The following RBFOX1 variants were observed in gnomAD, a reference collection of about 807,000 sequenced individuals.
RBFOX1 encodes RNA binding fox-1 homolog 1, also known as RNA binding protein fox-1 homolog 1.
In RBFOX1, 8 loss-of-function variants were observed where a neutral mutation model predicts 57.7. The observed-to-expected ratio is 0.14, with a 90% CI of 0.08 to 0.25. RBFOX1 has a LOEUF of 0.25. Ranked by LOEUF, RBFOX1 falls within the 10% of genes least tolerant of loss-of-function variation. The pLI, the probability that RBFOX1 is intolerant of heterozygous loss-of-function variation, is 1.00. For synonymous variants in RBFOX1, 326 were observed against 222.4 expected (o/e 1.47, Z -4.15); for missense variants, 611 against 548.5 (o/e 1.11, Z -1.14).
intron 4 of RBFOX1, among the ~76,000 whole-genome samples, chr16:5,992,089 C>T (rs1176706842): frequency 6.6e-6 from 1 of 151,888 alleles, no homozygotes; most frequent in Non-Finnish European, 1.5e-5. Flanking sequence ...TGTAAAAATC[C>T]TTCACCAAAC....
intron 2 of RBFOX1, among the ~76,000 whole-genome samples, chr16:6,434,424 G>A (rs771323900): frequency 6.6e-5 from 10 of 151,886 alleles, no homozygotes; most frequent in Non-Finnish European, 1.3e-4. Flanking sequence ...CTGCAAATAG[G>A]CCCATCCCAC....
intron 5 of RBFOX1, among the ~76,000 whole-genome samples, chr16:7,524,705 C>T (rs1018203605): frequency 6.6e-6 from 1 of 152,206 alleles, no homozygotes; most frequent in Non-Finnish European, 1.5e-5. Flanking sequence ...TTTAGAGAGC[C>T]AGGTTCTTCT....
chr16:6,736,700 G>A (rs193125905), intron 3 of RBFOX1, among the ~76,000 whole-genome samples: 2 of 152,324 alleles, frequency 1.3e-5, no homozygotes, highest in African/African-American at 2.4e-5. Flanking sequence ...GGATCAAATG[G>A]TAGTTCTACT....
chr16:5,861,006 A>C (rs969648017), intron 3 of RBFOX1, among the ~76,000 whole-genome samples: 5 of 152,222 alleles, frequency 3.3e-5, no homozygotes, highest in Non-Finnish European at 7.3e-5. Context: ...AGGGATACCA[A>C]AGAGAAACTG....
intron 1 of RBFOX1, among the ~76,000 whole-genome samples, chr16:5,455,375 A>G (rs984195198): frequency 2.0e-5 from 3 of 152,064 alleles, no homozygotes; most frequent in Admixed American, 6.6e-5. Flanking sequence ...GCCGCCTAGT[A>G]TCACTTATGC....
intron 3 of RBFOX1, among the ~76,000 whole-genome samples, chr16:6,819,705 CAAAAAAAAAAAAAA>C (rs1181614275): frequency 4.8e-5 from 1 of 20,626 alleles, no homozygotes; most frequent in South Asian, 3.2e-3. Context: ...AACTCTGACT[CAAAAAAAAAAAAAA>C]AAAAAAAAAA....
chr16:7,280,172 C>T (rs909229559), intron 4 of RBFOX1, among the ~76,000 whole-genome samples: 13 of 152,198 alleles, frequency 8.5e-5, no homozygotes, highest in Admixed American at 2.6e-4. Context: ...AAGGAAAACA[C>T]GATGTACACC....
Position 6,019,058 on chromosome 16 carries a change from C to A in RBFOX1, c.-1061C>A. 1.0e-6 allele frequency: 1 copy of A among 976,364 alleles called. No individual in the cohort carries two copies. The highest frequency in any genetic ancestry group is 1.2e-6 in the Non-Finnish European group (1 of 822,352). The allele number at this position is 976,364 out of a possible 1,614,324, so 60.5% of individuals were successfully genotyped here. A position where few individuals can be genotyped will look rare whatever the true frequency, so the allele number is the denominator to read the frequency against. On this transcript the variant is annotated 5_prime_UTR_variant, in exon 1 of 16. In the 5' UTR this introduces an upstream ATG that the reference lacks. Coordinates refer to ENST00000550418, the MANE Select transcript of RBFOX1 (RefSeq NM_018723.4). The surrounding 1 kb of genome is among the most constrained non-coding windows in gnomAD (Gnocchi z 4.2). Reference sequence around the variant, plus strand: ...TTGGCTCCGCAGCCGGGGCTGCTCGCTGCTTGTCGCGCGCTCACACACACA... The same window carrying A: ...TTGGCTCCGCAGCCGGGGCTGCTCGATGCTTGTCGCGCGCTCACACACACA...
chr16:5,248,624 G>T (rs1050020826), intron 1 of RBFOX1, among the ~76,000 whole-genome samples: 3 of 152,166 alleles, frequency 2.0e-5, no homozygotes, highest in Non-Finnish European at 4.4e-5. Flanking sequence ...GTCTGAGAGT[G>T]CAGCTCTGAA....
At chr16:7,120,239 G>A (rs562792582) in intron 4 of RBFOX1, among the ~76,000 whole-genome samples, 3 of 151,882 alleles carry the variant, frequency 2.0e-5, no homozygotes, top group South Asian at 2.1e-4. Context: ...GAATAAGAAC[G>A]TTCTCAAATC....
At chr16:6,205,059 G>A (rs943120278) in intron 1 of RBFOX1, among the ~76,000 whole-genome samples, 3 of 152,046 alleles carry the variant, frequency 2.0e-5, no homozygotes, top group Non-Finnish European at 4.4e-5. Context: ...TTAAGAAGTA[G>A]GACACTAGAT....
At chr16:6,011,825 C>T (rs1328164607) in intron 4 of RBFOX1, among the ~76,000 whole-genome samples, 1 of 152,154 alleles carries the variant, frequency 6.6e-6, no homozygotes, top group Non-Finnish European at 1.5e-5. Flanking sequence ...AGGTTGTGAT[C>T]AGGTCTGGGT....
chr16:7,684,885 A>G (rs2075725340), intron 14 of RBFOX1, among the ~76,000 whole-genome samples: 1 of 152,026 alleles, frequency 6.6e-6, no homozygotes, highest in African/African-American at 2.4e-5. Context: ...TCGTTTCCCC[A>G]CTATTTTTGT....
chr16:6,367,489 C>G (rs1194361553), intron 2 of RBFOX1, among the ~76,000 whole-genome samples: 2 of 152,180 alleles, frequency 1.3e-5, no homozygotes, highest in African/African-American at 4.8e-5. Context: ...TCAGGCTGGC[C>G]CCGAACTCCT....
At chr16:7,542,495 A>C (rs1459376359) in intron 5 of RBFOX1, among the ~76,000 whole-genome samples, 1 of 151,944 alleles carries the variant, frequency 6.6e-6, no homozygotes, top group Non-Finnish European at 1.5e-5. Context: ...AAACAGAGAG[A>C]TAGAAAGAAA....
chr16:6,076,910 G>A (rs2095910469), intron 1 of RBFOX1, among the ~76,000 whole-genome samples: 1 of 152,160 alleles, frequency 6.6e-6, no homozygotes, highest in South Asian at 2.1e-4. Context: ...GAACATGGAA[G>A]CCAATGGTCA....
At chr16:7,534,823 T>C (rs2081093458) in intron 5 of RBFOX1, among the ~76,000 whole-genome samples, 1 of 152,142 alleles carries the variant, frequency 6.6e-6, no homozygotes, top group Non-Finnish European at 1.5e-5. Flanking sequence ...CACCCTGGGC[T>C]GCTCAAACGT....
intron 1 of RBFOX1, among the ~76,000 whole-genome samples, chr16:6,299,067 G>A (rs1184766980): frequency 6.6e-6 from 1 of 152,140 alleles, no homozygotes; most frequent in African/African-American, 2.4e-5. Context: ...AAAGGCATCT[G>A]CCAATTGCAA....
At chr16:6,006,860 G>T (rs1567248414) in intron 4 of RBFOX1, among the ~76,000 whole-genome samples, 1 of 152,212 alleles carries the variant, frequency 6.6e-6, no homozygotes, top group South Asian at 2.1e-4. Flanking sequence ...TTGGGCATAT[G>T]TTGAATTGCA....
Sources: allele counts gnomAD v4.1 joint callset (sites outside exome capture counted in the v4.1 genomes callset), GRCh38; gene constraint gnomAD v4.1.1; non-coding constraint Gnocchi (gnomAD v3.1); transcripts MANE v1.5; gene names NCBI Gene and HGNC (gene_info 2026-07-23, HGNC 2026-07-21).